Variants in CHRNA7 observed in about 807,000 individuals in gnomAD.
The protein encoded by CHRNA7 is neuronal acetylcholine receptor subunit alpha-7.
Under a neutral mutation model 48.0 loss-of-function variants are expected in CHRNA7, and 17 were observed. That is an observed-to-expected ratio of 0.35 (90% confidence interval 0.24 to 0.53). The LOEUF (loss-of-function observed/expected upper bound fraction) is 0.53. Among genes scored for constraint, CHRNA7 ranks in the 20% least tolerant of loss-of-function variants. The pLI, the probability that CHRNA7 is intolerant of heterozygous loss-of-function variation, is 0.92. For synonymous variants in CHRNA7, 75 were observed against 242.3 expected (o/e 0.31, Z 6.41); for missense variants, 155 against 577.7 (o/e 0.27, Z 7.50).
intron 2 of CHRNA7, among the ~76,000 whole-genome samples, chr15:32,078,997 A>G (rs1412401843): frequency 6.6e-6 from 1 of 152,238 alleles, no homozygotes; most frequent in Non-Finnish European, 1.5e-5. Context: ...TTGGTTCAAC[A>G]TAGGAAAATC....
intron 4 of CHRNA7, among the ~76,000 whole-genome samples, chr15:32,118,854 G>C (rs1445987860): frequency 6.6e-6 from 1 of 152,082 alleles, no homozygotes; most frequent in Non-Finnish European, 1.5e-5. Flanking sequence ...CCAGAGGTCA[G>C]GGAGAGACCA....
intron 4 of CHRNA7, among the ~76,000 whole-genome samples, chr15:32,124,145 A>G (rs1181226540): frequency 6.6e-6 from 1 of 152,224 alleles, no homozygotes; most frequent in African/African-American, 2.4e-5. Flanking sequence ...TTGTATATAC[A>G]GAAGGTAGAT....
At chr15:32,062,694 C>T (rs949439716) in intron 2 of CHRNA7, among the ~76,000 whole-genome samples, 3 of 152,128 alleles carry the variant, frequency 2.0e-5, no homozygotes, top group African/African-American at 4.8e-5. Context: ...TGACCCAGTT[C>T]GATTCAGACA....
intron 4 of CHRNA7, chr15:32,153,474 G>A (rs1266260413): frequency 8.5e-5 from 15 of 176,556 alleles, no homozygotes; most frequent in Non-Finnish European, 1.5e-4. Flanking sequence ...GTGTGGGTCC[G>A]CTTCAAGAGG....
At chr15:32,049,043 G>T (rs1025356025) in intron 2 of CHRNA7, among the ~76,000 whole-genome samples, 1 of 133,070 alleles carries the variant, frequency 7.5e-6, no homozygotes, top group Non-Finnish European at 1.5e-5. Context: ...TTTTACATTT[G>T]CTGAGGAGAG....
chr15:32,101,581 G>T, intron 3 of CHRNA7: 1 of 497,844 alleles, frequency 2.0e-6, no homozygotes. Context: ...CATAGGACAA[G>T]GTAATGTGGG....
At chr15:32,138,726 C>CTGTTT (rs1212817087) in intron 4 of CHRNA7, among the ~76,000 whole-genome samples, 4 of 73,454 alleles carry the variant, frequency 5.4e-5, no homozygotes, top group South Asian at 1.2e-3. Flanking sequence ...AGCCATTGAC[C>CTGTTT]TGTTATGTTT....
chr15:32,122,139 G>T (rs1005955672), intron 4 of CHRNA7, among the ~76,000 whole-genome samples: 2 of 152,304 alleles, frequency 1.3e-5, no homozygotes, highest in African/African-American at 4.8e-5. Flanking sequence ...CCCCAAGTTA[G>T]TGTGACAAGT....
intron 9 of CHRNA7, chr15:32,166,306 C>A (rs1328308088): frequency 1.3e-5 from 2 of 152,314 alleles, no homozygotes; most frequent in South Asian, 4.1e-4. Context: ...GACGGCCCAA[C>A]TCACCCAAGG....
At chr15:32,114,061 C>CAT (rs35944403) in intron 4 of CHRNA7, among the ~76,000 whole-genome samples, 72,093 of 119,626 alleles carry the variant, frequency 0.6, 22,305 homozygotes, top group East Asian at 0.92. Flanking sequence ...TATATATATA[C>CAT]ATATATATAT....
chr15:32,034,630 G>A (rs1325933771), intron 2 of CHRNA7, among the ~76,000 whole-genome samples: 1 of 152,156 alleles, frequency 6.6e-6, no homozygotes, highest in Admixed American at 6.5e-5. Flanking sequence ...TGTGCCAGGG[G>A]TTTTGTGAAG....
intron 2 of CHRNA7, among the ~76,000 whole-genome samples, chr15:32,088,687 G>A (rs1401124824): frequency 6.6e-6 from 1 of 152,156 alleles, no homozygotes; most frequent in Admixed American, 6.5e-5. Flanking sequence ...ATGATGTGAA[G>A]CATCTTTTAA....
At chr15:32,068,010 A>C (rs1566816040) in intron 2 of CHRNA7, among the ~76,000 whole-genome samples, 1 of 152,176 alleles carries the variant, frequency 6.6e-6, no homozygotes, top group Non-Finnish European at 1.5e-5. Flanking sequence ...AAAAGCACCT[A>C]AGACATATAG....
chr15:32,132,228 G>A (rs2141319368), intron 4 of CHRNA7, among the ~76,000 whole-genome samples: 1 of 152,234 alleles, frequency 6.6e-6, no homozygotes, highest in East Asian at 1.9e-4. Flanking sequence ...GGCGAGAGAG[G>A]GCAAGCTTTC....
rs371949856 is a variant in CHRNA7, at chr15:32,083,933, T to G, written c.196-17370T>G. On this transcript the variant is annotated intron_variant, in intron 2 of 9. Transcript: ENST00000306901. ...AGAAGAAAAGGGTTTATGAATGGTC[T>G]GTATTTGATTTTTTAGCACCTCACT... is the stretch of plus-strand genomic sequence containing the variant. 6.6e-5 allele frequency among the ~76,000 whole-genome samples: 10 copies of G among 152,338 alleles called. No individual in the cohort carries two copies. In the South Asian group the frequency reaches 1.9e-3, roughly 28 times the overall value.
chr15:32,116,111 T>C (rs554176376), intron 4 of CHRNA7, among the ~76,000 whole-genome samples: 1 of 152,340 alleles, frequency 6.6e-6, no homozygotes, highest in Admixed American at 6.5e-5. Flanking sequence ...TAGTTCATTA[T>C]GGTCTGAATG....
chr15:32,109,386 T>C (rs560076954), intron 3 of CHRNA7, among the ~76,000 whole-genome samples: 8 of 152,326 alleles, frequency 5.3e-5, no homozygotes, highest in African/African-American at 1.9e-4. Context: ...AAGGTCTTTA[T>C]GGCCTGTATC....
intron 3 of CHRNA7, among the ~76,000 whole-genome samples, chr15:32,105,057 T>C (rs1037096910): frequency 6.6e-6 from 1 of 152,218 alleles, no homozygotes; most frequent in African/African-American, 2.4e-5. Context: ...ATTCAGATGC[T>C]CCACAAATAA....
chr15:32,088,077 A>G (rs1369898702), intron 2 of CHRNA7, among the ~76,000 whole-genome samples: 1 of 152,060 alleles, frequency 6.6e-6, no homozygotes, highest in Non-Finnish European at 1.5e-5. Context: ...CCCTAGAAGT[A>G]CTCTGTGCTC....
Sources: gnomAD v4.1 joint callset for allele counts (sites outside exome capture counted in the v4.1 genomes callset) on GRCh38, gnomAD v4.1.1 for gene constraint, MANE v1.5 for transcripts, NCBI Gene and HGNC (gene_info 2026-07-23, HGNC 2026-07-21) for gene names.